Variants in JAKMIP1 observed in about 807,000 individuals in gnomAD.
The protein encoded by JAKMIP1 is janus kinase and microtubule-interacting protein 1.
In JAKMIP1, 33 loss-of-function variants were observed where a neutral mutation model predicts 113.0. That is an observed-to-expected ratio of 0.29 (90% confidence interval 0.22 to 0.39). The LOEUF (loss-of-function observed/expected upper bound fraction) is 0.39, where lower values mean the gene tolerates loss of function less well. Among genes scored for constraint, JAKMIP1 ranks in the 10% least tolerant of loss-of-function variants. The pLI is 1.00. For synonymous variants in JAKMIP1, 480 were observed against 459.9 expected (o/e 1.04, Z -0.56); for missense variants, 813 against 1,080.5 (o/e 0.75, Z 3.47).
At chr4:6,173,358 A>T (rs1435003076) in intron 1 of JAKMIP1, among the ~76,000 whole-genome samples, 1 of 152,238 alleles carries the variant, frequency 6.6e-6, no homozygotes, top group African/African-American at 2.4e-5. Context: ...CTAAAAATAT[A>T]ATGATTTCTC....
chr4:6,149,466 C>T (rs1483054305), intron 1 of JAKMIP1, among the ~76,000 whole-genome samples: 1 of 152,140 alleles, frequency 6.6e-6, no homozygotes, highest in Non-Finnish European at 1.5e-5. Context: ...CCAGTGAAAT[C>T]TAGGGATGTG....
At chr4:6,104,791 C>T (rs577775568) in intron 3 of JAKMIP1, among the ~76,000 whole-genome samples, 2 of 152,328 alleles carry the variant, frequency 1.3e-5, no homozygotes, top group Admixed American at 6.5e-5. Flanking sequence ...CCAGCCTCCC[C>T]CTTCACTCCA....
At position 6,106,022 on chromosome 4, in the gene JAKMIP1, G is replaced by C; in HGVS notation, c.130-55C>G. ...AGGGTCAGGGTCAGGGTCAGGGTCA[G>C]GGTCAGGGTCACAGCTGGGGGAGCT... On this transcript the variant is annotated intron_variant, in intron 2 of 20. Coordinates refer to ENST00000409021, the MANE Select transcript of JAKMIP1 (RefSeq NM_001099433.2). The surrounding 1 kb of genome is among the most constrained non-coding windows in gnomAD (Gnocchi z 5.9). 8.0e-7 allele frequency: 1 copy of C among 1,256,878 alleles called. No homozygotes were observed. The highest frequency in any genetic ancestry group is 1.1e-6 in the Non-Finnish European group (1 of 909,592). The allele number at this position is 1,256,878 out of a possible 1,614,324, so 77.9% of individuals were successfully genotyped here. A position where few individuals can be genotyped will look rare whatever the true frequency, so the allele number is the denominator to read the frequency against.
At chr4:6,028,060 C>G (rs1018011166) in intron 20 of JAKMIP1, among the ~76,000 whole-genome samples, 1 of 152,202 alleles carries the variant, frequency 6.6e-6, no homozygotes, top group Non-Finnish European at 1.5e-5. Context: ...CCTAGCAGCA[C>G]ATGAGAACAC....
chr4:6,160,300 A>C (rs1179988197), intron 1 of JAKMIP1, among the ~76,000 whole-genome samples: 1 of 152,206 alleles, frequency 6.6e-6, no homozygotes, highest in Non-Finnish European at 1.5e-5. Flanking sequence ...AAAGTGCCAA[A>C]AAGCATAATG....
At chr4:6,166,729 G>A (rs956412015) in intron 1 of JAKMIP1, among the ~76,000 whole-genome samples, 1 of 152,224 alleles carries the variant, frequency 6.6e-6, no homozygotes, top group African/African-American at 2.4e-5. Flanking sequence ...ATGGGAAAAC[G>A]ACAGGTGAGG....
intron 1 of JAKMIP1, among the ~76,000 whole-genome samples, chr4:6,191,704 C>G (rs957240641): frequency 1.3e-5 from 2 of 152,114 alleles, no homozygotes; most frequent in Admixed American, 1.3e-4. Flanking sequence ...GCAGCAAGGC[C>G]CAGTGGAATA....
At chr4:6,078,381 C>T (rs1360254298) in intron 8 of JAKMIP1, among the ~76,000 whole-genome samples, 5 of 142,350 alleles carry the variant, frequency 3.5e-5, no homozygotes, top group East Asian at 2.1e-4. Context: ...AATAGGTTTA[C>T]AGGTTTAAAG....
In JAKMIP1 at chr4:6,155,293, C is replaced by T. The variant is rs796803260; in HGVS notation, c.-147-42296G>A. ...GCTCAACGCCTTTTAATACCAGCAA[C>T]CACCACTCAACCACCACCACCGCGA... On this transcript the variant is annotated intron_variant, in intron 1 of 20. Transcript: ENST00000409021. This position sits in a 1 kb window ranked among gnomAD's most constrained non-coding sequence, Gnocchi z 6.1. Among the ~76,000 whole-genome samples the T allele has an allele frequency of 3.3e-5, 5 of 152,098 alleles. No individual in the cohort carries two copies. Among genetic ancestry groups the T allele is most frequent in the South Asian group, 2.1e-4 (1 of 4,824 alleles).
chr4:6,196,083 T>A (rs1336854310), intron 1 of JAKMIP1, among the ~76,000 whole-genome samples: 2 of 152,162 alleles, frequency 1.3e-5, no homozygotes, highest in Non-Finnish European at 2.9e-5. Flanking sequence ...AATACTAACA[T>A]CAAAGGCAGG....
At chr4:6,096,802 G>C (rs1041098804) in intron 3 of JAKMIP1, among the ~76,000 whole-genome samples, 1 of 152,220 alleles carries the variant, frequency 6.6e-6, no homozygotes, top group Non-Finnish European at 1.5e-5. Flanking sequence ...TGGGACCCAA[G>C]TCTAAACATG....
rs903280262 is a variant in JAKMIP1, at chr4:6,112,459, G to A, written c.129+263C>T. ...TGAATTTGTCAAACATTTTTCTTCT[G>A]ACAACCCCCATCTTGCAGGTAAGAG... On this transcript the variant is annotated intron_variant, in intron 2 of 20. Coordinates refer to ENST00000409021, the MANE Select transcript of JAKMIP1 (RefSeq NM_001099433.2). Among the ~76,000 whole-genome samples, 4 of 152,164 alleles carry A rather than the reference G, an allele frequency of 2.6e-5. No individual in the cohort carries two copies. The South Asian group carries it at 6.2e-4, about 24-fold the overall frequency.
At position 6,049,338 on chromosome 4, in the gene JAKMIP1, C is replaced by T. The variant is rs1560109486; in HGVS notation, c.1963-416G>A. On this transcript the variant is annotated intron_variant, in intron 15 of 20. Transcript: ENST00000409021. The surrounding 1 kb of genome is among the most constrained non-coding windows in gnomAD (Gnocchi z 7.0). ...GGCGTGAGCCACCATGCCCCGCCAA[C>T]ACCAAGCGACTTTCCTAGCTTCTCT... Among the ~76,000 whole-genome samples the T allele has an allele frequency of 6.6e-6, 1 of 152,332 alleles. No homozygotes were observed. The highest frequency in any genetic ancestry group is 1.9e-4 in the East Asian group (1 of 5,184).
Position 6,143,629 on chromosome 4 carries a change from T to C in JAKMIP1, c.-147-30632A>G, listed in dbSNP as rs1720457143. ...ACAGCAGTTCTCTGAGTGAGATCCT[T>C]AGACCAGCAGCATCTGCATCAGCTG... On this transcript the variant is annotated intron_variant, in intron 1 of 20. Coordinates refer to ENST00000409021, the MANE Select transcript of JAKMIP1 (RefSeq NM_001099433.2). The surrounding 1 kb of genome is among the most constrained non-coding windows in gnomAD (Gnocchi z 4.9). Among the ~76,000 whole-genome samples the C allele has an allele frequency of 6.6e-6, 1 of 152,194 alleles. No homozygotes were observed. Among genetic ancestry groups the C allele is most frequent in the African/African-American group, 2.4e-5 (1 of 41,442 alleles).
At chr4:6,131,379 A>C (rs977364338) in intron 1 of JAKMIP1, among the ~76,000 whole-genome samples, 6 of 151,664 alleles carry the variant, frequency 4.0e-5, no homozygotes, top group African/African-American at 1.5e-4. Flanking sequence ...AAAAAAAAAA[A>C]AACAAAACCC....
At chr4:6,058,449 A>T (rs960290788) in intron 11 of JAKMIP1, among the ~76,000 whole-genome samples, 1 of 152,242 alleles carries the variant, frequency 6.6e-6, no homozygotes, top group Non-Finnish European at 1.5e-5. Flanking sequence ...AGCATGTCCC[A>T]GCTCGCAGCT....
At chr4:6,145,183 T>C (rs983624851) in intron 1 of JAKMIP1, among the ~76,000 whole-genome samples, 1 of 152,184 alleles carries the variant, frequency 6.6e-6, no homozygotes, top group Non-Finnish European at 1.5e-5. Flanking sequence ...TCATTAATAA[T>C]GAATCGTAGA....
Position 6,192,455 on chromosome 4 carries a change from C to T in JAKMIP1, c.-148+7798G>A, listed in dbSNP as rs1042062572. 6.6e-6 allele frequency among the ~76,000 whole-genome samples: 1 copy of T among 152,174 alleles called. No homozygotes were observed. Among genetic ancestry groups the T allele is most frequent in the Non-Finnish European group, 1.5e-5 (1 of 68,028 alleles). ...TAACACCAGCAGCAGCACCGGCTGACAAACACCCACTGCACGCAGACGCCA... is the reference window on the plus strand; with the variant it reads ...TAACACCAGCAGCAGCACCGGCTGATAAACACCCACTGCACGCAGACGCCA... On this transcript the variant is annotated intron_variant, in intron 1 of 20. Transcript: ENST00000409021. The surrounding 1 kb of genome is among the most constrained non-coding windows in gnomAD (Gnocchi z 5.0).
chr4:6,078,237 C>T (rs371952804), intron 8 of JAKMIP1, among the ~76,000 whole-genome samples: 8 of 151,652 alleles, frequency 5.3e-5, no homozygotes, highest in Middle Eastern at 3.2e-3. Flanking sequence ...ATCATTTAAA[C>T]CTGGGTGGTG....
Sources: allele counts gnomAD v4.1 joint callset (sites outside exome capture counted in the v4.1 genomes callset), GRCh38; gene constraint gnomAD v4.1.1; non-coding constraint Gnocchi (gnomAD v3.1); transcripts MANE v1.5; gene names NCBI Gene and HGNC (gene_info 2026-07-23, HGNC 2026-07-21).